Variants in RNFT2 observed in about 807,000 individuals in gnomAD.
RNFT2 encodes ring finger protein, transmembrane 2, also known as E3 ubiquitin-protein ligase RNFT2.
RNFT2 carries 36 observed loss-of-function variants against 53.0 expected under a neutral mutation model. That is an observed-to-expected ratio of 0.68 (90% CI 0.52 to 0.90). The LOEUF is 0.90. Ranked by LOEUF, RNFT2 falls within the 40% of genes least tolerant of loss-of-function variation. RNFT2 has a pLI of 0.00. For missense variants in RNFT2, 514 were observed against 585.6 expected (o/e 0.88, Z 1.26); for synonymous variants, 260 against 253.2 (o/e 1.03, Z -0.26).
intron 4 of RNFT2, among the ~76,000 whole-genome samples, chr12:116,750,831 T>TATTAC (rs373521166): frequency 1.6e-3 from 5 of 3,204 alleles, no homozygotes; most frequent in Non-Finnish European, 1.5e-3. Context: ...ATATATATAA[T>TATTAC]ATATATATTA....
rs868281587 is a variant in RNFT2, at chr12:116,852,687, A to C, written c.*3239A>C. The C allele has an allele frequency of 5.6e-6, 9 of 1,614,034 alleles. No homozygotes were observed. The highest frequency in any genetic ancestry group is 1.6e-4 in the Middle Eastern group (1 of 6,062). On this transcript the variant is annotated 3_prime_UTR_variant, in exon 11 of 11. Coordinates refer to ENST00000257575, the MANE Select transcript of RNFT2 (RefSeq NM_001382266.1). The stretch of plus-strand genomic sequence containing the variant: ...GGGCACAAGAAATTGGAGCTGGAGA[A>C]GATTGATGAAAGTGCAGGTGTGTAA...
At chr12:116,767,666 G>A (rs1209535364) in intron 6 of RNFT2, among the ~76,000 whole-genome samples, 4 of 151,930 alleles carry the variant, frequency 2.6e-5, no homozygotes, top group African/African-American at 9.7e-5. Flanking sequence ...TGCAATCTCC[G>A]CCTCCCAGGT....
intron 1 of RNFT2, among the ~76,000 whole-genome samples, chr12:116,739,042 A>T (rs1047177355): frequency 2.0e-5 from 3 of 152,080 alleles, no homozygotes; most frequent in Admixed American, 1.3e-4. Flanking sequence ...GGTCATTTTT[A>T]ATCAGTGGCC....
intron 7 of RNFT2, among the ~76,000 whole-genome samples, chr12:116,827,956 T>C (rs1355736166): frequency 6.6e-6 from 1 of 152,136 alleles, no homozygotes; most frequent in Non-Finnish European, 1.5e-5. Flanking sequence ...CAAGCCAGAC[T>C]GGTTGTTGAG....
chr12:116,765,292 T>G (rs1872861082), intron 5 of RNFT2, among the ~76,000 whole-genome samples: 1 of 152,178 alleles, frequency 6.6e-6, no homozygotes. Flanking sequence ...TTAATCACAT[T>G]GATAAGAGCA....
rs115130857 is a variant in RNFT2 at position 116,853,438 on chromosome 12, C to T, written c.*3990C>T. On this transcript the variant is annotated 3_prime_UTR_variant, in exon 11 of 11. Transcript: ENST00000257575. ...ACAGATATGATAGGTGCATCAGCTT[C>T]GGAAGAGAAGAATGATGTGCAGAGT... The T allele has an allele frequency of 2.1e-3, 762 of 366,414 alleles. 3 individuals are homozygous for T. The highest frequency in any genetic ancestry group is 0.013 in the African/African-American group (638 of 48,044). 22.7% of individuals were successfully genotyped at this position (366,414 alleles called of 1,614,324 possible).
chr12:116,826,333 C>T (rs1313106463), intron 7 of RNFT2, among the ~76,000 whole-genome samples: 1 of 152,068 alleles, frequency 6.6e-6, no homozygotes, highest in Non-Finnish European at 1.5e-5. Flanking sequence ...AAGCAGAGAA[C>T]CGTCCATGCC....
intron 5 of RNFT2, among the ~76,000 whole-genome samples, chr12:116,763,995 GTA>G (rs1174790763): frequency 2.0e-5 from 3 of 152,112 alleles, no homozygotes; most frequent in Admixed American, 6.6e-5. Context: ...ACTGGTATAT[GTA>G]TATGATGGAA....
At chr12:116,846,460 A>G (rs899257497) in intron 10 of RNFT2, among the ~76,000 whole-genome samples, 1 of 8,168 alleles carries the variant, frequency 1.2e-4, no homozygotes, top group Non-Finnish European at 4.0e-4. Context: ...GTAGAGACAT[A>G]TGGGGCATGG....
In RNFT2 at chr12:116,770,313, T is replaced by C. The variant is rs1341951182; in HGVS notation, c.728+3399T>C. On this transcript the variant is annotated intron_variant, in intron 6 of 10. Transcript: ENST00000257575. ...TATAGTATTCAGTACAGTAACAAGC[T>C]ATGTAGGTTTGTAATCTAAGAGTAA... 2.0e-5 allele frequency among the ~76,000 whole-genome samples: 3 copies of C among 152,326 alleles called. No homozygotes were observed. The East Asian group carries it at 5.8e-4, about 29-fold the overall frequency.
At chr12:116,840,686 A>T (rs1256053805) in intron 10 of RNFT2, among the ~76,000 whole-genome samples, 1 of 152,174 alleles carries the variant, frequency 6.6e-6, no homozygotes, top group Non-Finnish European at 1.5e-5. Flanking sequence ...ACCCTGAGCA[A>T]TGCATTTCAT....
intron 10 of RNFT2, among the ~76,000 whole-genome samples, chr12:116,844,817 A>G (rs1484065907): frequency 6.6e-6 from 1 of 152,186 alleles, no homozygotes; most frequent in Non-Finnish European, 1.5e-5. Flanking sequence ...GTTGTGTTGC[A>G]TTCTCCTATG....
At chr12:116,848,452 G>A (rs1176817035) in intron 10 of RNFT2, among the ~76,000 whole-genome samples, 1 of 151,462 alleles carries the variant, frequency 6.6e-6, no homozygotes, top group African/African-American at 2.4e-5. Context: ...CCCTACCATG[G>A]GCCCCTTACT....
intron 6 of RNFT2, among the ~76,000 whole-genome samples, chr12:116,778,743 G>A (rs997838874): frequency 3.3e-5 from 5 of 152,174 alleles, no homozygotes; most frequent in African/African-American, 1.2e-4. Flanking sequence ...CCAGCTACTT[G>A]GGAAGCTGAG....
At chr12:116,754,704 A>T (rs1872417274) in intron 5 of RNFT2, among the ~76,000 whole-genome samples, 1 of 152,138 alleles carries the variant, frequency 6.6e-6, no homozygotes, top group Admixed American at 6.5e-5. Context: ...GTGGTATCAC[A>T]TTGTGGTTTT....
chr12:116,828,117 A>G (rs1202050805), intron 7 of RNFT2, among the ~76,000 whole-genome samples: 1 of 152,184 alleles, frequency 6.6e-6, no homozygotes, highest in Non-Finnish European at 1.5e-5. Context: ...CTGCCCACCA[A>G]GATGGCGCTC....
intron 7 of RNFT2, among the ~76,000 whole-genome samples, chr12:116,794,490 C>T (rs150503049): frequency 0.019 from 2,767 of 144,316 alleles, 50 homozygotes; most frequent in South Asian, 0.068. Context: ...CCCAGCTACG[C>T]GGGAGGCTGA....
intron 7 of RNFT2, among the ~76,000 whole-genome samples, chr12:116,796,240 TATC>T (rs961848805): frequency 6.6e-6 from 1 of 152,160 alleles, no homozygotes; most frequent in African/African-American, 2.4e-5. Flanking sequence ...TCTTTAAGGT[TATC>T]ATAAGGTGCA....
intron 10 of RNFT2, among the ~76,000 whole-genome samples, chr12:116,842,213 A>T (rs1877383473): frequency 6.6e-6 from 1 of 151,622 alleles, no homozygotes; most frequent in Non-Finnish European, 1.5e-5. Context: ...TGAGTTCTGG[A>T]AGTCACAGTC....
Sources: gnomAD v4.1 joint callset for allele counts (sites outside exome capture counted in the v4.1 genomes callset) on GRCh38, gnomAD v4.1.1 for gene constraint, MANE v1.5 for transcripts, NCBI Gene and HGNC (gene_info 2026-07-23, HGNC 2026-07-21) for gene names.